Variants in RUNX2 observed in about 807,000 individuals in gnomAD.
The protein encoded by RUNX2 is RUNX family transcription factor 2, also known as runt-related transcription factor 2.
In RUNX2, 10 loss-of-function variants were observed where a neutral mutation model predicts 51.7. That is an observed-to-expected ratio of 0.19 (90% CI 0.12 to 0.33). The LOEUF (loss-of-function observed/expected upper bound fraction) is 0.33. Ranked by LOEUF, RUNX2 falls within the 10% of genes least tolerant of loss-of-function variation. RUNX2 has a pLI of 1.00. For synonymous variants in RUNX2, 276 were observed against 273.6 expected (o/e 1.01, Z -0.09); for missense variants, 562 against 691.3 (o/e 0.81, Z 2.10).
chr6:45,492,995 A>T (rs770779466), intron 6 of RUNX2, among the ~76,000 whole-genome samples: 4 of 152,210 alleles, frequency 2.6e-5, no homozygotes, highest in Admixed American at 6.5e-5. Context: ...ATAAGCCCTC[A>T]ACATGGATCT....
At chr6:45,522,310 C>T (rs1270831341) in intron 7 of RUNX2, among the ~76,000 whole-genome samples, 3 of 152,064 alleles carry the variant, frequency 2.0e-5, no homozygotes, top group Admixed American at 1.3e-4. Flanking sequence ...AGTACTAGCC[C>T]ATGTAGATGC....
intron 2 of RUNX2, among the ~76,000 whole-genome samples, chr6:45,418,268 T>C (rs542224601): frequency 6.6e-6 from 1 of 152,296 alleles, no homozygotes; most frequent in South Asian, 2.1e-4. Flanking sequence ...ACTGGATAAA[T>C]AACCTGACTG....
chr6:45,374,055 T>C (rs1419402933), intron 2 of RUNX2, among the ~76,000 whole-genome samples: 1 of 152,224 alleles, frequency 6.6e-6, no homozygotes, highest in Non-Finnish European at 1.5e-5. Flanking sequence ...AATGTAATTC[T>C]CATTTGATGC....
intron 5 of RUNX2, among the ~76,000 whole-genome samples, chr6:45,463,828 T>G (rs1432855591): frequency 6.6e-6 from 1 of 152,190 alleles, no homozygotes; most frequent in Non-Finnish European, 1.5e-5. Context: ...TCTATCTTCA[T>G]TAATTTGTGA....
At chr6:45,535,477 G>GC (rs1266577302) in intron 7 of RUNX2, among the ~76,000 whole-genome samples, 1 of 152,026 alleles carries the variant, frequency 6.6e-6, no homozygotes, top group Non-Finnish European at 1.5e-5. Flanking sequence ...GGTGGCGGGT[G>GC]CCTGTAGTCC....
At chr6:45,502,150 C>T (rs1366530074) in intron 6 of RUNX2, among the ~76,000 whole-genome samples, 4 of 152,076 alleles carry the variant, frequency 2.6e-5, no homozygotes, top group African/African-American at 9.7e-5. Flanking sequence ...GTACTAGTTA[C>T]CTACATTTTT....
At chr6:45,348,721 G>T in intron 2 of RUNX2, among the ~76,000 whole-genome samples, 1 of 151,128 alleles carries the variant, frequency 6.6e-6, no homozygotes, top group Non-Finnish European at 1.5e-5. Flanking sequence ...AACTAACAAG[G>T]CATTAAATGA....
intron 7 of RUNX2, among the ~76,000 whole-genome samples, chr6:45,527,357 T>C (rs1801701761): frequency 6.6e-6 from 1 of 152,202 alleles, no homozygotes; most frequent in South Asian, 2.1e-4. Flanking sequence ...CACTGATTTA[T>C]ATTTTTCAAA....
intron 4 of RUNX2, among the ~76,000 whole-genome samples, chr6:45,435,624 T>C (rs551434674): frequency 6.6e-6 from 1 of 152,108 alleles, no homozygotes; most frequent in Non-Finnish European, 1.5e-5. Context: ...TCCCAAAGTG[T>C]TGGGATTACA....
At chr6:45,379,370 A>C (rs535490037) in intron 2 of RUNX2, among the ~76,000 whole-genome samples, 5 of 152,340 alleles carry the variant, frequency 3.3e-5, no homozygotes, top group African/African-American at 1.2e-4. Context: ...ATTAGTTAAC[A>C]GAAGATTAAG....
At chr6:45,410,813 A>G (rs1797935321) in intron 2 of RUNX2, among the ~76,000 whole-genome samples, 1 of 152,206 alleles carries the variant, frequency 6.6e-6, no homozygotes, top group African/African-American at 2.4e-5. Context: ...TGAAACAATT[A>G]GTTTGGCATA....
chr6:45,357,037 C>T (rs1383597693), intron 2 of RUNX2, among the ~76,000 whole-genome samples: 3 of 152,098 alleles, frequency 2.0e-5, no homozygotes, highest in East Asian at 1.9e-4. Context: ...GACGGAGTCT[C>T]ACTCTGTCGC....
At chr6:45,533,773 A>G (rs1289376748) in intron 7 of RUNX2, among the ~76,000 whole-genome samples, 1 of 152,172 alleles carries the variant, frequency 6.6e-6, no homozygotes, top group Non-Finnish European at 1.5e-5. Flanking sequence ...TCCTGATGTC[A>G]CTGGATATAA....
intron 5 of RUNX2, among the ~76,000 whole-genome samples, chr6:45,470,877 G>T (rs1350612212): frequency 1.3e-5 from 2 of 152,102 alleles, no homozygotes; most frequent in East Asian, 3.9e-4. Flanking sequence ...GGGCAAAAAA[G>T]TTTCCATAGA....
chr6:45,546,573 C>T (rs1008652332), intron 8 of RUNX2, among the ~76,000 whole-genome samples: 27 of 152,168 alleles, frequency 1.8e-4, no homozygotes, highest in African/African-American at 6.5e-4. Flanking sequence ...TACACATTGA[C>T]CTGGCACACA....
At chr6:45,420,411 C>A (rs150430307) in intron 2 of RUNX2, among the ~76,000 whole-genome samples, 8 of 152,080 alleles carry the variant, frequency 5.3e-5, no homozygotes, top group African/African-American at 1.9e-4. Flanking sequence ...CAGGTCGCTA[C>A]GAGGGTGAGG....
At chr6:45,431,304 C>G (rs536443586) in intron 3 of RUNX2, among the ~76,000 whole-genome samples, 1 of 152,154 alleles carries the variant, frequency 6.6e-6, no homozygotes, top group South Asian at 2.1e-4. Context: ...AGTAAATATA[C>G]TTTATTAAAA....
At chr6:45,395,417 C>G (rs9472483) in intron 2 of RUNX2, among the ~76,000 whole-genome samples, 1 of 152,112 alleles carries the variant, frequency 6.6e-6, no homozygotes, top group Non-Finnish European at 1.5e-5. Context: ...TCTTAAACCT[C>G]CTAGGTGTTA....
At chr6:45,491,006 C>G (rs1800444049) in intron 5 of RUNX2, among the ~76,000 whole-genome samples, 1 of 152,182 alleles carries the variant, frequency 6.6e-6, no homozygotes, top group Admixed American at 6.5e-5. Context: ...TATACTTGCA[C>G]CAAGACACTA....
Sources: allele counts gnomAD v4.1 joint callset (sites outside exome capture counted in the v4.1 genomes callset), GRCh38; gene constraint gnomAD v4.1.1; transcripts MANE v1.5; gene names NCBI Gene and HGNC (gene_info 2026-07-23, HGNC 2026-07-21).